Variants in NCKAP5 observed in about 807,000 individuals in gnomAD.
The protein encoded by NCKAP5 is NCK associated protein 5.
Under a neutral mutation model 167.0 loss-of-function variants are expected in NCKAP5, and 92 were observed. The observed-to-expected ratio is 0.55, with a 90% confidence interval of 0.47 to 0.66. The LOEUF (loss-of-function observed/expected upper bound fraction) is 0.66. NCKAP5 is among the 30% of genes least tolerant of loss of function. NCKAP5 has a pLI of 0.00. For missense variants in NCKAP5, 2,378 were observed against 2,315.0 expected, an observed-to-expected ratio of 1.03 and a Z score of -0.56; for synonymous variants, 891 against 877.4, an observed-to-expected ratio of 1.02 and a Z score of -0.27.
intron 2 of NCKAP5, among the ~76,000 whole-genome samples, chr2:133,558,699 C>T (rs1352900395): frequency 8.0e-5 from 1 of 12,426 alleles, no homozygotes; most frequent in Non-Finnish European, 1.3e-4. Context: ...ATGCAATGTG[C>T]TGAGCAAAAA....
At chr2:132,995,914 C>T (rs2077585127) in intron 6 of NCKAP5, among the ~76,000 whole-genome samples, 2 of 152,092 alleles carry the variant, frequency 1.3e-5, no homozygotes, top group African/African-American at 4.8e-5. Context: ...GCAGAGGTTG[C>T]AGTGAGCTGA....
At chr2:133,133,747 A>C (rs948708029) in intron 5 of NCKAP5, among the ~76,000 whole-genome samples, 1 of 152,206 alleles carries the variant, frequency 6.6e-6, no homozygotes, top group Admixed American at 6.5e-5. Flanking sequence ...AAATGTGTCC[A>C]CCTTCATTAC....
chr2:133,519,098 T>A (rs1684264743), intron 2 of NCKAP5, among the ~76,000 whole-genome samples: 1 of 152,222 alleles, frequency 6.6e-6, no homozygotes, highest in African/African-American at 2.4e-5. Context: ...ATGTGGGCTG[T>A]CTCTCTTGGT....
At chr2:133,466,353 T>C (rs1692589917) in intron 3 of NCKAP5, among the ~76,000 whole-genome samples, 1 of 150,600 alleles carries the variant, frequency 6.6e-6, no homozygotes, top group South Asian at 2.1e-4. Context: ...GGCTCTGTTC[T>C]GTTCCATTGA....
At chr2:133,602,584 C>A in the NCKAP5 span, among the ~76,000 whole-genome samples, 2 of 152,318 alleles carry the variant, frequency 1.3e-5, no homozygotes, top group African/African-American at 4.8e-5. Context: ...GGTCTGCCGG[C>A]ATTTTCCATG....
intron 3 of NCKAP5, among the ~76,000 whole-genome samples, chr2:133,423,180 C>T (rs1158514333): frequency 6.6e-6 from 1 of 152,194 alleles, no homozygotes; most frequent in Non-Finnish European, 1.5e-5. Flanking sequence ...CAATATTTTA[C>T]TACAAGGTAT....
intron 8 of NCKAP5, among the ~76,000 whole-genome samples, chr2:132,886,681 G>A (rs570053647): frequency 4.6e-5 from 7 of 152,280 alleles, no homozygotes; most frequent in Middle Eastern, 3.4e-3. Context: ...TTCGCCTGAT[G>A]TTTCTTCATA....
chr2:132,930,543 G>T (rs1369439250), intron 8 of NCKAP5: 1 of 152,266 alleles, frequency 6.6e-6, no homozygotes, highest in South Asian at 2.1e-4. Flanking sequence ...AAAGGCATAG[G>T]AGCTCCCGGC....
At chr2:133,304,775 C>G (rs1170581823) in intron 3 of NCKAP5, among the ~76,000 whole-genome samples, 1 of 152,214 alleles carries the variant, frequency 6.6e-6, no homozygotes, top group Non-Finnish European at 1.5e-5. Context: ...ATACAGTAAT[C>G]ATCAAGAGGG....
rs371665873 is a variant in NCKAP5 at position 132,728,891 on chromosome 2, G to A, written c.5505C>T (p.Phe1835=). Reference sequence around the variant, plus strand: ...TTGCCATTGGGTCTTCAGCATATCCGAATGATGAGCATGTCTGAGGCCTTG... The same window carrying A: ...TTGCCATTGGGTCTTCAGCATATCCAAATGATGAGCATGTCTGAGGCCTTG... ...AEPRPQTCSS[F]GYAEDPMASQ... is the part of the protein sequence containing the mutation. The change falls in exon 18 of 20, where the codon TTC becomes TTT. Residue 1835 remains phenylalanine (F), a synonymous_variant. Transcript: ENST00000409261. 2.7e-5 allele frequency: 44 copies of A among 1,613,820 alleles called. No homozygotes were observed. Among genetic ancestry groups the A allele is most frequent in the South Asian group, 1.2e-4 (11 of 91,086 alleles).
intron 3 of NCKAP5, among the ~76,000 whole-genome samples, chr2:133,323,477 G>A (rs936243819): frequency 6.6e-6 from 1 of 152,188 alleles, no homozygotes; most frequent in Non-Finnish European, 1.5e-5. Flanking sequence ...TTGGGTCACG[G>A]TAATACTGAG....
At chr2:132,826,097 G>A (rs1687107404) in intron 11 of NCKAP5, among the ~76,000 whole-genome samples, 2 of 152,302 alleles carry the variant, frequency 1.3e-5, no homozygotes, top group South Asian at 2.1e-4. Context: ...CTTTGCTTTT[G>A]TAAAATCTAT....
intron 7 of NCKAP5, among the ~76,000 whole-genome samples, chr2:132,986,483 T>C (rs1346221025): frequency 1.3e-5 from 2 of 152,166 alleles, no homozygotes; most frequent in East Asian, 3.9e-4. Flanking sequence ...TGCAAGTCCC[T>C]CAGGTGATTC....
rs190806897 is a variant in NCKAP5 at position 132,948,284 on chromosome 2, G to A, written c.579+15436C>T. On this transcript the variant is annotated intron_variant, in intron 8 of 19. Transcript: ENST00000409261. ...AATGGCTGGTTAGGGGGGGAAGCTT[G>A]GCTATATGTGGATTTGCAGCTCATT... Among the ~76,000 whole-genome samples, 42 of 152,234 alleles carry A rather than the reference G, an allele frequency of 2.8e-4. 1 individual carries two copies. Among genetic ancestry groups the A allele is most frequent in the Admixed American group, 1.4e-3 (21 of 15,290 alleles).
chr2:133,532,904 G>A (rs2104837104), intron 2 of NCKAP5, among the ~76,000 whole-genome samples: 1 of 152,298 alleles, frequency 6.6e-6, no homozygotes, highest in Middle Eastern at 3.4e-3. Flanking sequence ...CATTGAGAAT[G>A]TTTCTAAGAT....
chr2:132,787,948 A>C (rs762706019), intron 13 of NCKAP5, among the ~76,000 whole-genome samples: 11 of 152,086 alleles, frequency 7.2e-5, no homozygotes, highest in Non-Finnish European at 1.5e-4. Context: ...CCTTTCTGCC[A>C]TTCTGGAGCC....
the NCKAP5 span, among the ~76,000 whole-genome samples, chr2:133,628,836 A>T: frequency 6.6e-6 from 1 of 152,204 alleles, no homozygotes; most frequent in African/African-American, 2.4e-5. Flanking sequence ...AAGACCACAC[A>T]TATACAACCA....
the NCKAP5 span, among the ~76,000 whole-genome samples, chr2:133,642,838 T>C: frequency 2.6e-5 from 4 of 152,222 alleles, no homozygotes; most frequent in Admixed American, 6.5e-5. Flanking sequence ...TGAAAGTTCA[T>C]GTAAAAACCA....
At chr2:133,050,412 G>C (rs2079561095) in intron 6 of NCKAP5, among the ~76,000 whole-genome samples, 1 of 152,112 alleles carries the variant, frequency 6.6e-6, no homozygotes, top group South Asian at 2.1e-4. Flanking sequence ...TATGTTAGGG[G>C]AGTTTATTTA....
Sources: allele counts gnomAD v4.1 joint callset (sites outside exome capture counted in the v4.1 genomes callset), GRCh38; gene constraint gnomAD v4.1.1; transcripts MANE v1.5; gene names NCBI Gene and HGNC (gene_info 2026-07-23, HGNC 2026-07-21).